LGR6: variants seen among roughly 807,000 people sequenced by gnomAD.
The protein encoded by LGR6 is leucine-rich repeat-containing G protein-coupled receptor 6.
A neutral mutation model predicts 69.4 loss-of-function variants in LGR6; 45 were observed. The observed-to-expected ratio is 0.65, with a 90% CI of 0.51 to 0.83. The LOEUF (loss-of-function observed/expected upper bound fraction) is 0.83, where lower values mean the gene tolerates loss of function less well. Among genes scored for constraint, LGR6 ranks in the 40% least tolerant of loss-of-function variants. LGR6 has a pLI of 0.00. For synonymous variants in LGR6, 538 were observed against 555.0 expected (o/e 0.97, Z 0.43); for missense variants, 1,108 against 1,246.7 (o/e 0.89, Z 1.68).
At chr1:202,260,837 A>C (rs908679108) in intron 4 of LGR6, among the ~76,000 whole-genome samples, 19 of 152,202 alleles carry the variant, frequency 1.2e-4, no homozygotes, top group African/African-American at 4.6e-4. Flanking sequence ...AGAATCCTGT[A>C]GATAAGGCTC....
rs566133162 is a variant in LGR6, at chr1:202,313,518, G to A, written c.1568-1284G>A. The stretch of plus-strand genomic sequence containing the variant: ...TCTGAATTCTAGTCTATTGCTGTGA[G>A]GCTGCAGGCAAGCCACTTAACTTCA... On this transcript the variant is annotated intron_variant, in intron 16 of 17. Coordinates refer to ENST00000367278, the MANE Select transcript of LGR6 (RefSeq NM_001017403.2). Among the ~76,000 whole-genome samples, 23 of 152,220 alleles carry A rather than the reference G, an allele frequency of 1.5e-4. No homozygotes were observed. In the South Asian group the frequency reaches 3.9e-3, roughly 26 times the overall value.
At chr1:202,224,500 C>G (rs1024932423) in intron 1 of LGR6, among the ~76,000 whole-genome samples, 1 of 152,150 alleles carries the variant, frequency 6.6e-6, no homozygotes, top group African/African-American at 2.4e-5. Flanking sequence ...GGTCCCTAAC[C>G]TATTTGGCAC....
Position 202,318,517 on chromosome 1 carries a change from G to A in LGR6, c.2214G>A (p.Met738Ile). 4 of 1,614,044 alleles carry A rather than the reference G, an allele frequency of 2.5e-6. No individual in the cohort carries two copies. The highest frequency in any genetic ancestry group is 3.4e-6 in the Non-Finnish European group (4 of 1,179,996). The change falls in exon 18 of 18, where the codon ATG becomes ATA. Residue 738 changes from methionine (M) to isoleucine (I), a missense_variant. Transcript: ENST00000367278. ...AALGFTVALV[M>I]MNSFCFLVVA... ...TGGGCTTCACCGTGGCCCTGGTGAT[G>A]ATGAACTCCTTCTGTTTCCTGGTCG...
At position 202,248,581 on chromosome 1, in the gene LGR6, G is replaced by A. The variant is rs373075557; in HGVS notation, c.428+12588G>A. ...AGGCCTGGTCTGGAGGACTTTGAGG[G>A]TCCTGGGAGGGGTCTGGACTATGGA... On this transcript the variant is annotated intron_variant, in intron 4 of 17. Coordinates refer to ENST00000367278, the MANE Select transcript of LGR6 (RefSeq NM_001017403.2). 1.1e-4 allele frequency among the ~76,000 whole-genome samples: 17 copies of A among 152,306 alleles called. No homozygotes were observed. In the East Asian group the frequency reaches 2.7e-3, roughly 24 times the overall value.
rs3062624 is a variant in LGR6, at chr1:202,243,942, T to TTTG, written c.428+7976_428+7978dup. ...AGATAAGAATAAAAAACAAAGTCTT[T>TTTG]TTGTTGTTGTTGTTGTTGTTGTTGT... is the stretch of plus-strand genomic sequence containing the variant. On this transcript the variant is annotated intron_variant, in intron 4 of 17. Coordinates refer to ENST00000367278, the MANE Select transcript of LGR6 (RefSeq NM_001017403.2). Among the ~76,000 whole-genome samples, 352 of 150,572 alleles carry TTTG rather than the reference T, an allele frequency of 2.3e-3. 2 individuals carry two copies. Among genetic ancestry groups the TTTG allele is most frequent in the South Asian group, 0.014 (65 of 4,710 alleles).
chr1:202,233,311 C>T lies in LGR6; in HGVS notation c.357-2611C>T, dbSNP rs557678272. On this transcript the variant is annotated intron_variant, in intron 3 of 17. Transcript: ENST00000367278. ...ATGCATTGAGGGGCCCCTTGGAGCT[C>T]GGGACTCACTTGTGCAGTGACCAGA... 5.3e-5 allele frequency among the ~76,000 whole-genome samples: 8 copies of T among 152,154 alleles called. No homozygotes were observed. The East Asian group carries it at 9.7e-4, about 18-fold the overall frequency.
intron 1 of LGR6, among the ~76,000 whole-genome samples, chr1:202,200,285 G>A (rs1283117400): frequency 6.6e-6 from 1 of 152,234 alleles, no homozygotes; most frequent in Non-Finnish European, 1.5e-5. Flanking sequence ...GGAGAGTACA[G>A]CTTCTCCCCA....
intron 2 of LGR6, among the ~76,000 whole-genome samples, chr1:202,226,135 T>C (rs903670570): frequency 1.8e-4 from 27 of 152,180 alleles, no homozygotes; most frequent in African/African-American, 5.5e-4. Flanking sequence ...TTCTTCAATC[T>C]GGCCTTATAT....
chr1:202,196,382 G>A (rs1658641930), intron 1 of LGR6, among the ~76,000 whole-genome samples: 1 of 152,186 alleles, frequency 6.6e-6, no homozygotes, highest in Admixed American at 6.5e-5. Context: ...CCAGGGTGGG[G>A]AAGTCTTGGG....
chr1:202,198,032 T>C (rs930179581), intron 1 of LGR6, among the ~76,000 whole-genome samples: 20 of 152,210 alleles, frequency 1.3e-4, no homozygotes, highest in African/African-American at 4.8e-4. Flanking sequence ...GCAACCCCCA[T>C]TCAGACTGCT....
intron 2 of LGR6, 112 bp downstream of exon 2, chr1:202,225,606 T>G (rs1660485223): frequency 2.2e-6 from 2 of 902,260 alleles, no homozygotes; most frequent in South Asian, 1.5e-5. Flanking sequence ...CTTGGGAAGC[T>G]AAGACAGTTC....
At chr1:202,261,078 T>TTTATTA (rs543764957) in intron 4 of LGR6, among the ~76,000 whole-genome samples, 13 of 151,314 alleles carry the variant, frequency 8.6e-5, no homozygotes, top group African/African-American at 2.7e-4. Context: ...ATGTTTTCTT[T>TTTATTA]TTATTATTAT....
intron 1 of LGR6, among the ~76,000 whole-genome samples, chr1:202,206,755 T>C (rs1370025402): frequency 6.6e-6 from 1 of 152,030 alleles, no homozygotes; most frequent in Non-Finnish European, 1.5e-5. Flanking sequence ...TTAAAACTTA[T>C]AATGGGATCT....
At chr1:202,209,068 AC>A (rs1659367209) in intron 1 of LGR6, among the ~76,000 whole-genome samples, 1 of 151,422 alleles carries the variant, frequency 6.6e-6, no homozygotes, top group Non-Finnish European at 1.5e-5. Flanking sequence ...TTAGTGTTTG[AC>A]CCCCTGGGAA....
chr1:202,268,532 C>T lies in LGR6; in HGVS notation c.429-7774C>T, dbSNP rs972899499. Among the ~76,000 whole-genome samples, 2 of 152,048 alleles carry T rather than the reference C, an allele frequency of 1.3e-5. No individual in the cohort carries two copies. The highest frequency in any genetic ancestry group is 6.6e-5 in the Admixed American group (1 of 15,260). On this transcript the variant is annotated intron_variant, in intron 4 of 17. Coordinates refer to ENST00000367278, the MANE Select transcript of LGR6 (RefSeq NM_001017403.2). This position sits in a 1 kb window ranked among gnomAD's most constrained non-coding sequence, Gnocchi z 4.4. ...TACTCCAACCAGAGACTGAGATGTC[C>T]CCCTCCCCACCCACATCTTTTCTCT... is the stretch of plus-strand genomic sequence containing the variant.
At chr1:202,293,614 G>A (rs747568087) in intron 6 of LGR6, among the ~76,000 whole-genome samples, 4 of 152,200 alleles carry the variant, frequency 2.6e-5, no homozygotes, top group African/African-American at 4.8e-5. Context: ...CATCAGGAGC[G>A]GAGAGAGTTG....
chr1:202,278,266 C>T (rs533671344), intron 5 of LGR6, among the ~76,000 whole-genome samples: 58 of 152,062 alleles, frequency 3.8e-4, no homozygotes, highest in Non-Finnish European at 1.9e-4. Context: ...GAAGGCATGA[C>T]TGTGAGGGCT....
Position 202,267,851 on chromosome 1 carries a change from T to G in LGR6, c.429-8455T>G, listed in dbSNP as rs568296828. On this transcript the variant is annotated intron_variant, in intron 4 of 17. Coordinates refer to ENST00000367278, the MANE Select transcript of LGR6 (RefSeq NM_001017403.2). ...GGCATAATAGTAGGCACTCAATGAA[T>G]GTTTATTATATTTAATCCAATCCTA... 3.3e-4 allele frequency among the ~76,000 whole-genome samples: 50 copies of G among 152,250 alleles called. 1 individual carries two copies. The highest frequency in any genetic ancestry group is 1.1e-3 in the African/African-American group (47 of 41,534).
Position 202,319,283 on chromosome 1 carries a change from A to G in LGR6, c.*76A>G, listed in dbSNP as rs1654447044. ...CTCGGTGAATGATGGCTGCTTCTAAAACAAATACAACCAAAACTCAGCAGT... is the reference window on the plus strand; with the variant it reads ...CTCGGTGAATGATGGCTGCTTCTAAGACAAATACAACCAAAACTCAGCAGT... On this transcript the variant is annotated 3_prime_UTR_variant, in exon 18 of 18. Transcript: ENST00000367278. The G allele has an allele frequency of 1.4e-6, 2 of 1,417,726 alleles. No homozygotes were observed. Among genetic ancestry groups the G allele is most frequent in the African/African-American group, 2.9e-5 (2 of 69,404 alleles). The allele number at this position is 1,417,726 out of a possible 1,614,324, so 87.8% of individuals were successfully genotyped here. A position where few individuals can be genotyped will look rare whatever the true frequency, so the allele number is the denominator to read the frequency against.
Sources: allele counts gnomAD v4.1 joint callset (sites outside exome capture counted in the v4.1 genomes callset), GRCh38; gene constraint gnomAD v4.1.1; non-coding constraint Gnocchi (gnomAD v3.1); transcripts MANE v1.5; gene names NCBI Gene and HGNC (gene_info 2026-07-23, HGNC 2026-07-21).